The following CEP76 variants were observed in gnomAD, a reference collection of about 807,000 sequenced individuals.
The protein encoded by CEP76 is centrosomal protein 76.
A neutral mutation model predicts 83.3 loss-of-function variants in CEP76; 55 were observed. That is an observed-to-expected ratio of 0.66 (90% CI 0.53 to 0.83). CEP76 has a LOEUF of 0.83. Ranked by LOEUF, CEP76 falls within the 40% of genes least tolerant of loss-of-function variation. CEP76 has a pLI of 0.00. For synonymous variants in CEP76, 270 were observed against 274.5 expected (o/e 0.98, Z 0.16); for missense variants, 694 against 799.5 (o/e 0.87, Z 1.59).
chr18:12,663,788 CAG>C (rs1039752418), intron 12 of CEP76, among the ~76,000 whole-genome samples: 1 of 152,038 alleles, frequency 6.6e-6, no homozygotes, highest in African/African-American at 2.4e-5. Flanking sequence ...TGTAGAGAGA[CAG>C]AATCTCATTC....
At chr18:12,702,751 G>GT (rs2040203965), upstream of CEP76, 1 of 602,760 alleles carries the variant, frequency 1.7e-6, no homozygotes, top group East Asian at 3.1e-5. Flanking sequence ...GGCGCCAACT[G>GT]TTTTCAAACA....
At chr18:12,681,862 G>A (rs1383919300) in intron 8 of CEP76, among the ~76,000 whole-genome samples, 1 of 151,996 alleles carries the variant, frequency 6.6e-6, no homozygotes, top group East Asian at 1.9e-4. Flanking sequence ...TGGGTATGGT[G>A]GTGTGTGCCT....
chr18:12,662,657 A>AT (rs1165406679), intron 12 of CEP76, among the ~76,000 whole-genome samples: 1 of 152,178 alleles, frequency 6.6e-6, no homozygotes, highest in Non-Finnish European at 1.5e-5. Flanking sequence ...CACACCTATA[A>AT]TCCCAGCTGC....
At chr18:12,701,173 G>T in intron 1 of CEP76, 60 bp from the exon 2 acceptor site, 6 of 1,289,284 alleles carry the variant, frequency 4.7e-6, no homozygotes, top group Non-Finnish European at 6.6e-6. Flanking sequence ...TACTGCTTCT[G>T]AAGTTTTAAG....
intron 12 of CEP76, among the ~76,000 whole-genome samples, chr18:12,664,698 C>CTT (rs76222169): frequency 1.8e-4 from 25 of 137,606 alleles, no homozygotes; most frequent in Non-Finnish European, 1.4e-4. Context: ...TTGTCCTGAT[C>CTT]TTTTTTTTTT....
At chr18:12,688,305 T>C (rs2145055371) in intron 7 of CEP76, among the ~76,000 whole-genome samples, 1 of 151,532 alleles carries the variant, frequency 6.6e-6, no homozygotes, top group African/African-American at 2.4e-5. Context: ...TTTCTTGCAC[T>C]AAAAAGTTCA....
intron 11 of CEP76, 30 bp downstream of exon 11, chr18:12,674,506 G>A (rs749309205): frequency 6.5e-7 from 1 of 1,541,466 alleles, no homozygotes; most frequent in Non-Finnish European, 9.0e-7. Context: ...CTCCTAAACT[G>A]AAAAAATGAT....
chr18:12,686,358 A>G lies in CEP76; in HGVS notation c.1026T>C (p.Phe342=), dbSNP rs1186154134. The change falls in exon 8 of 12, where the codon TTT becomes TTC. Residue 342 remains phenylalanine (F), a synonymous_variant. Transcript: ENST00000262127. ...LLDTPRQAAR[F]VNVLGYERAP... The stretch of plus-strand genomic sequence containing the variant: ...CTCGTTCATAACCAAGGACATTAAC[A>G]AATCTTGCTGCTTGCCTTGGAGTAT... The G allele has an allele frequency of 1.2e-6, 2 of 1,614,020 alleles. No individual in the cohort carries two copies. Among genetic ancestry groups the G allele is most frequent in the Non-Finnish European group, 1.7e-6 (2 of 1,180,000 alleles).
chr18:12,675,104 T>C (rs1003094820), intron 10 of CEP76, among the ~76,000 whole-genome samples: 23 of 152,128 alleles, frequency 1.5e-4, no homozygotes, highest in Non-Finnish European at 1.5e-5. Context: ...TACTTAACTT[T>C]AAAGAGTTTA....
intron 7 of CEP76, among the ~76,000 whole-genome samples, chr18:12,689,641 C>T (rs992060984): frequency 1.3e-5 from 2 of 152,104 alleles, no homozygotes; most frequent in African/African-American, 4.8e-5. Context: ...CAACTTCTTC[C>T]TCCTCTTTGA....
At chr18:12,683,499 T>A (rs1260752581) in intron 8 of CEP76, among the ~76,000 whole-genome samples, 1 of 151,268 alleles carries the variant, frequency 6.6e-6, no homozygotes. Context: ...AAAACGGAAA[T>A]CAGCACTTTA....
Position 12,678,104 on chromosome 18 carries a change from A to G in CEP76, c.1623+5T>C. ...TGAAACTACAACTATTTCAGTGTGA[A>G]TTACCTTCCTGTGTTCTGACACCAG... On this transcript the variant is annotated splice_donor_5th_base_variant and intron_variant, in intron 10 of 11. Transcript: ENST00000262127. The G allele has an allele frequency of 6.2e-7, 1 of 1,602,574 alleles. No homozygotes were observed. Among genetic ancestry groups the G allele is most frequent in the Non-Finnish European group, 8.5e-7 (1 of 1,170,070 alleles).
intron 10 of CEP76, among the ~76,000 whole-genome samples, chr18:12,675,680 AT>A (rs577503115): frequency 0.02 from 3,098 of 151,812 alleles, 118 homozygotes; most frequent in African/African-American, 0.071. Context: ...ATTTTTTTAA[AT>A]TTTTTGAGAC....
At chr18:12,674,989 C>G (rs1441519840) in intron 10 of CEP76, among the ~76,000 whole-genome samples, 1 of 152,116 alleles carries the variant, frequency 6.6e-6, no homozygotes, top group Non-Finnish European at 1.5e-5. Flanking sequence ...AAACAATGTT[C>G]ACAAAGTCTC....
At chr18:12,691,617 GCCT>G in intron 6 of CEP76, 130 bp from the exon 7 acceptor site, 2 of 591,064 alleles carry the variant, frequency 3.4e-6, no homozygotes, top group East Asian at 5.9e-5. Flanking sequence ...TTCTATAAGA[GCCT>G]CCTGACTTCC....
chr18:12,668,693 T>C (rs1450310415), downstream of CEP76, among the ~76,000 whole-genome samples: 1 of 147,486 alleles, frequency 6.8e-6, no homozygotes, highest in African/African-American at 2.5e-5. Flanking sequence ...AAAAAGAAGA[T>C]TCAACTATGT....
At position 12,680,654 on chromosome 18, in the gene CEP76, A is replaced by C. The variant is rs2039315451; in HGVS notation, c.1289+8T>G. On this transcript the variant is annotated splice_region_variant and intron_variant, in intron 9 of 11. Transcript: ENST00000262127. ...ATTTTAATATCCTTATAAACTTAGT[A>C]AACTAACCTGTGTCCTGTTAAACTC... 1 of 1,584,058 alleles carries C rather than the reference A, an allele frequency of 6.3e-7. No individual in the cohort carries two copies. Among genetic ancestry groups the C allele is most frequent in the Admixed American group, 1.9e-5 (1 of 53,316 alleles).
At chr18:12,675,738 G>A (rs1333074791) in intron 10 of CEP76, among the ~76,000 whole-genome samples, 3 of 151,720 alleles carry the variant, frequency 2.0e-5, no homozygotes, top group Admixed American at 1.3e-4. Flanking sequence ...GCGCGATCTC[G>A]GCTCACTGCA....
intron 4 of CEP76, among the ~76,000 whole-genome samples, chr18:12,698,080 C>G (rs61550984): frequency 0.03 from 4,559 of 151,200 alleles, 171 homozygotes; most frequent in Admixed American, 0.071. Flanking sequence ...GAATTACATG[C>G]TTTATTGGAG....
Sources: allele counts gnomAD v4.1 joint callset (sites outside exome capture counted in the v4.1 genomes callset), GRCh38; gene constraint gnomAD v4.1.1; transcripts MANE v1.5; gene names NCBI Gene and HGNC (gene_info 2026-07-23, HGNC 2026-07-21).